BCL7C: variants seen among roughly 807,000 people sequenced by gnomAD.
BCL7C encodes B-cell CLL/lymphoma 7 protein family member C.
A neutral mutation model predicts 26.2 loss-of-function variants in BCL7C; 8 were observed. The observed-to-expected ratio is 0.30, with a 90% CI of 0.18 to 0.55. The LOEUF (loss-of-function observed/expected upper bound fraction) is 0.55. BCL7C is among the 20% of genes least tolerant of loss of function. BCL7C has a pLI of 0.93. For synonymous variants in BCL7C, 90 were observed against 116.5 expected (o/e 0.77, Z 1.47); for missense variants, 262 against 298.5 (o/e 0.88, Z 0.90).
In BCL7C at chr16:30,834,185, T is replaced by C. The variant is rs2054556161; in HGVS notation, c.*763A>G. ...CGCGCTGCTTCTCGGGCTAGGATTTTCCAGGTAGGTTAGGCCACCAGCTCA... is the reference window on the plus strand; with the variant it reads ...CGCGCTGCTTCTCGGGCTAGGATTTCCCAGGTAGGTTAGGCCACCAGCTCA... On this transcript the variant is annotated 3_prime_UTR_variant, in exon 6 of 6. Transcript: ENST00000380317. The surrounding 1 kb of genome is among the most constrained non-coding windows in gnomAD (Gnocchi z 4.3). 6.6e-6 allele frequency: 1 copy of C among 152,246 alleles called. No homozygotes were observed. Among genetic ancestry groups the C allele is most frequent in the Admixed American group, 6.5e-5 (1 of 15,280 alleles). 9.4% of individuals were successfully genotyped at this position (152,246 alleles called of 1,614,324 possible). A position where few individuals can be genotyped will look rare whatever the true frequency, so the allele number is the denominator to read the frequency against.
intron 5 of BCL7C, among the ~76,000 whole-genome samples, chr16:30,881,868 C>T (rs375011444): frequency 4.6e-5 from 7 of 152,214 alleles, no homozygotes; most frequent in Admixed American, 2.0e-4. Context: ...CCCCATCTCC[C>T]GTTCTGTGCT....
intron 5 of BCL7C, among the ~76,000 whole-genome samples, chr16:30,844,667 G>T (rs902356771): frequency 6.6e-6 from 1 of 152,178 alleles, no homozygotes; most frequent in Non-Finnish European, 1.5e-5. Flanking sequence ...GTAGGGAGGG[G>T]AAGTTCCAGG....
intron 5 of BCL7C, among the ~76,000 whole-genome samples, chr16:30,876,851 T>G (rs2054957678): frequency 6.6e-6 from 1 of 152,096 alleles, no homozygotes; most frequent in South Asian, 2.1e-4. Flanking sequence ...AGGGGCCAAA[T>G]CCAGCAGGGG....
At chr16:30,861,700 G>A (rs750026471) in intron 5 of BCL7C, among the ~76,000 whole-genome samples, 1 of 152,048 alleles carries the variant, frequency 6.6e-6, no homozygotes, top group Non-Finnish European at 1.5e-5. Context: ...TCTTACAGTG[G>A]AGGGTAACTC....
chr16:30,869,947 C>T (rs1489996269), intron 5 of BCL7C, among the ~76,000 whole-genome samples: 7 of 152,198 alleles, frequency 4.6e-5, no homozygotes, highest in African/African-American at 1.4e-4. Flanking sequence ...AAACTCTTCT[C>T]TAAAATTCTA....
At chr16:30,878,348 G>A (rs1285055194) in intron 5 of BCL7C, among the ~76,000 whole-genome samples, 2 of 151,554 alleles carry the variant, frequency 1.3e-5, no homozygotes, top group African/African-American at 4.8e-5. Flanking sequence ...GGCTAACACG[G>A]TGAAACCCCG....
chr16:30,892,105 A>G (rs1014444269), intron 4 of BCL7C, among the ~76,000 whole-genome samples: 2 of 151,334 alleles, frequency 1.3e-5, no homozygotes, highest in African/African-American at 2.4e-5. Flanking sequence ...TATCTCTACA[A>G]AAAATACAAA....
chr16:30,869,915 T>G (rs1037321796), intron 5 of BCL7C, among the ~76,000 whole-genome samples: 1 of 152,150 alleles, frequency 6.6e-6, no homozygotes, highest in Non-Finnish European at 1.5e-5. Flanking sequence ...AATTAGAAGA[T>G]AGAATGAGGT....
rs566478316 is a variant in BCL7C, at chr16:30,889,798, A to C, written c.443-853T>G. Among the ~76,000 whole-genome samples the C allele has an allele frequency of 5.9e-5, 9 of 151,968 alleles. No homozygotes were observed. The South Asian group carries it at 1.9e-3, about 32-fold the overall frequency. Reference sequence around the variant, plus strand: ...AAAGAATAACAACACTAATTAGCTGAGCATGGTGATGCATGCCTGTAGTCC... The same window carrying C: ...AAAGAATAACAACACTAATTAGCTGCGCATGGTGATGCATGCCTGTAGTCC... On this transcript the variant is annotated intron_variant, in intron 4 of 5. Transcript: ENST00000215115.
downstream of BCL7C, among the ~76,000 whole-genome samples, chr16:30,883,627 C>T (rs1471377884): frequency 2.2e-5 from 3 of 136,034 alleles, no homozygotes; most frequent in African/African-American, 8.2e-5. Context: ...AGTGATTCTC[C>T]TGTCTCAACC....
At chr16:30,877,242 T>G (rs377534485) in intron 5 of BCL7C, among the ~76,000 whole-genome samples, 1 of 151,054 alleles carries the variant, frequency 6.6e-6, no homozygotes, top group South Asian at 2.1e-4. Flanking sequence ...TCTCAGAATA[T>G]CTGCTTTCAA....
rs1161575189 is a variant in BCL7C, at chr16:30,893,456, C to T, written c.93-166G>A. ...ATGGAGGAAGAGAGTCCTGCAAACCCCAGGGCATAGGCGGTGGGTGCCTCT... is the reference window on the plus strand; with the variant it reads ...ATGGAGGAAGAGAGTCCTGCAAACCTCAGGGCATAGGCGGTGGGTGCCTCT... On this transcript the variant is annotated intron_variant, in intron 1 of 5. Transcript: ENST00000215115. The surrounding 1 kb of genome is among the most constrained non-coding windows in gnomAD (Gnocchi z 5.2). Among the ~76,000 whole-genome samples the T allele has an allele frequency of 1.3e-5, 2 of 152,128 alleles. No individual in the cohort carries two copies. The highest frequency in any genetic ancestry group is 1.3e-4 in the Admixed American group (2 of 15,276).
At chr16:30,833,770 T>A (rs1183004587) in exon 6 of BCL7C, 1 of 152,200 alleles carries the variant, frequency 6.6e-6, no homozygotes, top group African/African-American at 2.4e-5. Flanking sequence ...TTGACTTTCA[T>A]CCCAGGGAGT....
At chr16:30,850,224 A>G (rs1433394445) in intron 5 of BCL7C, among the ~76,000 whole-genome samples, 2 of 151,500 alleles carry the variant, frequency 1.3e-5, no homozygotes, top group Non-Finnish European at 2.9e-5. Flanking sequence ...AAAAAAAAAA[A>G]AAAGAAAAGA....
chr16:30,847,951 G>A (rs1224826128), intron 5 of BCL7C, among the ~76,000 whole-genome samples: 1 of 151,998 alleles, frequency 6.6e-6, no homozygotes, highest in African/African-American at 2.4e-5. Context: ...ATGGGAAGAT[G>A]GGTGCTAAGG....
intron 5 of BCL7C, among the ~76,000 whole-genome samples, chr16:30,847,745 G>A (rs1243435241): frequency 6.6e-6 from 1 of 151,804 alleles, no homozygotes; most frequent in Non-Finnish European, 1.5e-5. Context: ...GCCAAGAGCC[G>A]AGATTGTGCC....
intron 5 of BCL7C, among the ~76,000 whole-genome samples, chr16:30,877,466 A>G (rs1209390942): frequency 7.2e-6 from 1 of 138,456 alleles, no homozygotes; most frequent in Non-Finnish European, 1.5e-5. Flanking sequence ...TTTGAGACGG[A>G]GTCTCGCTCT....
chr16:30,888,213 C>T (rs1480014076), intron 5 of BCL7C, among the ~76,000 whole-genome samples: 1 of 152,162 alleles, frequency 6.6e-6, no homozygotes, highest in African/African-American at 2.4e-5. Context: ...GAAAATGCCT[C>T]GAGGTAGCCT....
chr16:30,859,298 C>G (rs1014970118), intron 5 of BCL7C, among the ~76,000 whole-genome samples: 7 of 152,190 alleles, frequency 4.6e-5, no homozygotes, highest in African/African-American at 1.7e-4. Context: ...TGTTTAGAGA[C>G]TGTTTTGCAG....
Sources: gnomAD v4.1 joint callset for allele counts (sites outside exome capture counted in the v4.1 genomes callset) on GRCh38, gnomAD v4.1.1 for gene constraint, Gnocchi (gnomAD v3.1) non-coding constraint, MANE v1.5 for transcripts, NCBI Gene and HGNC (gene_info 2026-07-23, HGNC 2026-07-21) for gene names.